The following STIL variants were observed in gnomAD, a reference collection of about 807,000 sequenced individuals.
The protein encoded by STIL is SCL-interrupting locus protein.
STIL carries 55 observed loss-of-function variants against 110.1 expected under a neutral mutation model. That is an observed-to-expected ratio of 0.50 (90% CI 0.40 to 0.63). The LOEUF (loss-of-function observed/expected upper bound fraction) is 0.63. Among genes scored for constraint, STIL ranks in the 20% least tolerant of loss-of-function variants. The pLI is 0.00. For synonymous variants in STIL, 481 were observed against 530.0 expected (o/e 0.91, Z 1.27); for missense variants, 1,358 against 1,530.0 (o/e 0.89, Z 1.87).
chr1:47,306,107 T>C (rs555737628), intron 2 of STIL, among the ~76,000 whole-genome samples: 17 of 152,154 alleles, frequency 1.1e-4, no homozygotes, highest in Non-Finnish European at 2.4e-4. Flanking sequence ...ATTTGGCTTA[T>C]TTGTCCTTTT....
chr1:47,250,893 A>G lies in STIL; in HGVS notation c.*243T>C, dbSNP rs1644165474. The G allele has an allele frequency of 2.1e-6, 1 of 484,944 alleles. No individual in the cohort carries two copies. The highest frequency in any genetic ancestry group is 2.8e-5 in the South Asian group (1 of 35,316). The allele number at this position is 484,944 out of a possible 1,614,324, so 30.0% of individuals were successfully genotyped here. ...GTATCTGTCTACTACTTAAACTTGTAGGAATAACTGATCTCAGGGCTTTTC... is the reference window on the plus strand; with the variant it reads ...GTATCTGTCTACTACTTAAACTTGTGGGAATAACTGATCTCAGGGCTTTTC... On this transcript the variant is annotated 3_prime_UTR_variant, in exon 17 of 17. Transcript: ENST00000371877.
At chr1:47,307,971 T>A (rs1368744475) in intron 2 of STIL, among the ~76,000 whole-genome samples, 1 of 152,184 alleles carries the variant, frequency 6.6e-6, no homozygotes, top group African/African-American at 2.4e-5. Context: ...TCCCACCTAA[T>A]AAATTGTAGT....
Position 47,289,572 on chromosome 1 carries a change from A to T in STIL, c.886T>A (p.Ser296Thr), listed in dbSNP as rs1366726241. The change falls in exon 9 of 17, where the codon TCT (serine) becomes ACT (threonine). Residue 296 changes from serine to threonine, a missense_variant. Coordinates refer to ENST00000371877, the MANE Select transcript of STIL (RefSeq NM_001048166.1). ...TAGAGAACTATGATGAAATTTCCAG[A>T]TTCTGAAAAAACCCTGCACAAAAAA... ...SSVQERVFSE[S>T]GNFIIVLYSM... 4 of 1,613,688 alleles carry T rather than the reference A, an allele frequency of 2.5e-6. No homozygotes were observed. The highest frequency in any genetic ancestry group is 3.4e-6 in the Non-Finnish European group (4 of 1,179,672).
intron 10 of STIL, among the ~76,000 whole-genome samples, chr1:47,286,895 A>G (rs1645317176): frequency 6.6e-6 from 1 of 152,056 alleles, no homozygotes; most frequent in African/African-American, 2.4e-5. Flanking sequence ...AATGGGAGAA[A>G]TGACCAGTAT....
At chr1:47,313,689 CT>C (rs1449217094) in intron 1 of STIL, among the ~76,000 whole-genome samples, 2 of 152,210 alleles carry the variant, frequency 1.3e-5, no homozygotes, top group African/African-American at 4.8e-5. Context: ...AGTCCATGAA[CT>C]TCAAACATTA....
In STIL at chr1:47,299,916, A is replaced by T. The variant is rs1645753575; in HGVS notation, c.690T>A (p.Thr230=). The T allele has an allele frequency of 1.2e-6, 2 of 1,613,748 alleles. No homozygotes were observed. The highest frequency in any genetic ancestry group is 1.7e-5 in the Admixed American group (1 of 59,992). The change falls in exon 6 of 17, where the codon ACT becomes ACA. Residue 230 remains threonine, a synonymous_variant. Transcript: ENST00000371877. ...SNLNISQVQG[T]YKYGYLTMDE... is the part of the protein sequence containing the mutation. ...TATCTTTTACTTACCCATATTTATA[A>T]GTCCCTTGAACTTGAGAAATATTCA...
At chr1:47,252,805 ACACACAC>A (rs1241467693) in intron 16 of STIL, among the ~76,000 whole-genome samples, 1 of 151,466 alleles carries the variant, frequency 6.6e-6, no homozygotes, top group East Asian at 1.9e-4. Flanking sequence ...ACACACACAC[ACACACAC>A]ACACACACAC....
At chr1:47,296,683 G>A (rs534147589) in intron 6 of STIL, among the ~76,000 whole-genome samples, 87 of 152,152 alleles carry the variant, frequency 5.7e-4, no homozygotes, top group Middle Eastern at 3.4e-3. Flanking sequence ...TGTGGCACAC[G>A]CCTGTAATCC....
chr1:47,284,637 C>T (rs532735467), intron 10 of STIL, among the ~76,000 whole-genome samples: 2 of 152,182 alleles, frequency 1.3e-5, no homozygotes, highest in African/African-American at 2.4e-5. Flanking sequence ...AGCCTGTAAT[C>T]CCAGCACTTT....
intron 1 of STIL, among the ~76,000 whole-genome samples, chr1:47,311,962 A>G (rs543745168): frequency 6.6e-6 from 1 of 152,036 alleles, no homozygotes; most frequent in Non-Finnish European, 1.5e-5. Context: ...CAGGAGAATC[A>G]CTTGAACCTG....
chr1:47,270,255 T>TATATATACACAC (rs775684329), intron 13 of STIL, among the ~76,000 whole-genome samples: 3 of 119,398 alleles, frequency 2.5e-5, no homozygotes, highest in African/African-American at 9.9e-5. Flanking sequence ...TATATATATA[T>TATATATACACAC]ACACACACAC....
At position 47,270,255 on chromosome 1, in the gene STIL, TACACACACACAC is replaced by T. The variant is rs56253074; in HGVS notation, c.2384-401_2384-390del. Reference sequence around the variant, plus strand: ...AAAAAAAAAAAAATATATATATATATACACACACACACACACACACACACACACACACACACA... The same window carrying T: ...AAAAAAAAAAAAATATATATATATATACACACACACACACACACACACACA... On this transcript the variant is annotated intron_variant, in intron 13 of 16. Coordinates refer to ENST00000371877, the MANE Select transcript of STIL (RefSeq NM_001048166.1). Among the ~76,000 whole-genome samples, 502 of 119,416 alleles carry T rather than the reference TACACACACACAC, an allele frequency of 4.2e-3. 4 individuals are homozygous for T. The highest frequency in any genetic ancestry group is 0.016 in the African/African-American group (475 of 30,380). The allele number at this position is 119,416 out of a possible 152,430, so 78.3% of individuals were successfully genotyped here.
chr1:47,284,868 T>C (rs1055885292), intron 10 of STIL, among the ~76,000 whole-genome samples: 3 of 149,460 alleles, frequency 2.0e-5, no homozygotes, highest in Non-Finnish European at 3.0e-5. Flanking sequence ...CCAGCCTGGG[T>C]GACAGAGTGA....
intron 11 of STIL, 116 bp downstream of exon 11, chr1:47,282,229 G>T: frequency 1.4e-6 from 1 of 717,520 alleles, no homozygotes. Context: ...GATAGAAATA[G>T]CTAGATATAT....
intron 9 of STIL, 93 bp from the exon 10 acceptor site, chr1:47,287,753 G>T: frequency 1.0e-6 from 1 of 958,466 alleles, no homozygotes; most frequent in African/African-American, 1.6e-5. Flanking sequence ...AACACTAGAT[G>T]ATGGAGTGGC....
intron 15 of STIL, among the ~76,000 whole-genome samples, chr1:47,260,790 G>A (rs1201477979): frequency 2.0e-5 from 3 of 152,218 alleles, no homozygotes; most frequent in Admixed American, 6.5e-5. Context: ...GACCACTTGA[G>A]CCACGAGGCT....
At chr1:47,263,658 C>T (rs1367487324) in intron 14 of STIL, among the ~76,000 whole-genome samples, 2 of 150,064 alleles carry the variant, frequency 1.3e-5, no homozygotes, top group Non-Finnish European at 3.0e-5. Flanking sequence ...GCCTGGAAAA[C>T]AAGCTGTTGA....
At chr1:47,271,453 T>G (rs1422564978) in intron 13 of STIL, among the ~76,000 whole-genome samples, 1 of 149,534 alleles carries the variant, frequency 6.7e-6, no homozygotes, top group Non-Finnish European at 1.5e-5. Context: ...GCGCTTGTAG[T>G]CCCAGCTACT....
At chr1:47,273,526 A>G (rs1644901418) in intron 12 of STIL, among the ~76,000 whole-genome samples, 1 of 152,194 alleles carries the variant, frequency 6.6e-6, no homozygotes. Flanking sequence ...GCATTTACTA[A>G]TACTTTATTG....
Sources: allele counts gnomAD v4.1 joint callset (sites outside exome capture counted in the v4.1 genomes callset), GRCh38; gene constraint gnomAD v4.1.1; transcripts MANE v1.5; gene names NCBI Gene and HGNC (gene_info 2026-07-23, HGNC 2026-07-21).